WDR47: variants seen among roughly 807,000 people sequenced by gnomAD.
WDR47 encodes the protein WD repeat-containing protein 47.
WDR47 carries 32 observed loss-of-function variants against 97.2 expected under a neutral mutation model. The observed-to-expected ratio is 0.33, with a 90% CI of 0.25 to 0.44. WDR47 has a LOEUF of 0.44. WDR47 is among the 20% of genes least tolerant of loss of function. The pLI is 1.00. For missense variants in WDR47, 782 were observed against 1,102.3 expected, an observed-to-expected ratio of 0.71 and a Z score of 4.11; for synonymous variants, 375 against 373.5, an observed-to-expected ratio of 1.00 and a Z score of -0.05.
chr1:109,003,324 T>G (rs1660350766), intron 6 of WDR47, among the ~76,000 whole-genome samples: 1 of 152,210 alleles, frequency 6.6e-6, no homozygotes, highest in Admixed American at 6.5e-5. Flanking sequence ...TTTAAAGCTC[T>G]GTTGTTTGGT....
Position 109,017,538 on chromosome 1 carries a change from C to T in WDR47, c.222G>A (p.Met74Ile). 1 of 1,612,264 alleles carries T rather than the reference C, an allele frequency of 6.2e-7. No homozygotes were observed. Among genetic ancestry groups the T allele is most frequent in the Non-Finnish European group, 8.5e-7 (1 of 1,179,554 alleles). ...CTTACCTTTTTTTGTCAAATTTTTCCATACATTCTAGAGGCTGAATGAACT... is the reference window on the plus strand; with the variant it reads ...CTTACCTTTTTTTGTCAAATTTTTCTATACATTCTAGAGGCTGAATGAACT... ...VLQFIQPLEC[M>I]EKFDKKRFRY... The change falls in exon 3 of 15, where the codon ATG becomes ATA. Residue 74 changes from methionine to isoleucine, a missense_variant. Met to Ile is a conservative substitution (Grantham distance 10). This residue lies in a region of WDR47 where 428 missense variants were observed against 584.3 expected (regional missense o/e 0.73). Transcript: ENST00000369962.
intron 13 of WDR47, among the ~76,000 whole-genome samples, chr1:108,978,566 T>G (rs1366192095): frequency 6.6e-6 from 1 of 152,020 alleles, no homozygotes; most frequent in Non-Finnish European, 1.5e-5. Flanking sequence ...AATATAAGTC[T>G]TTCAGTATAT....
chr1:109,039,182 G>A (rs1663171701), intron 1 of WDR47, among the ~76,000 whole-genome samples: 1 of 152,082 alleles, frequency 6.6e-6, no homozygotes, highest in African/African-American at 2.4e-5. Flanking sequence ...GGGATACAAT[G>A]ATCGAGCTAT....
intron 2 of WDR47, among the ~76,000 whole-genome samples, chr1:109,021,547 C>T (rs868389552): frequency 5.2e-5 from 7 of 134,320 alleles, no homozygotes; most frequent in South Asian, 4.7e-4. Flanking sequence ...AAAAAAAAGG[C>T]GCAAGTATAA....
Position 109,023,338 on chromosome 1 carries a change from G to A in WDR47, c.158+17C>T, listed in dbSNP as rs1571240010. 6.2e-7 allele frequency: 1 copy of A among 1,610,220 alleles called. No homozygotes were observed. Among genetic ancestry groups the A allele is most frequent in the Non-Finnish European group, 8.5e-7 (1 of 1,178,292 alleles). On this transcript the variant is annotated intron_variant, in intron 2 of 14. Coordinates refer to ENST00000369962, the MANE Select transcript of WDR47 (RefSeq NM_001142551.2). Reference sequence around the variant, plus strand: ...CTTCGAAGGAGCTACAAACTTCACAGTATAATGAAATCATACCTCAGGAAA... The same window carrying A: ...CTTCGAAGGAGCTACAAACTTCACAATATAATGAAATCATACCTCAGGAAA...
chr1:109,011,175 G>C lies in WDR47; in HGVS notation c.871C>G (p.Leu291Val). The C allele has an allele frequency of 6.2e-7, 1 of 1,614,168 alleles. No homozygotes were observed. The highest frequency in any genetic ancestry group is 8.5e-7 in the Non-Finnish European group (1 of 1,180,044). ...ADLLTPLISK[L>V]SPYPSSPMRR... is the part of the protein sequence containing the mutation. The stretch of plus-strand genomic sequence containing the variant: ...ATTGGGGATGATGGATAGGGAGAGA[G>C]TTTGCTGATAAGAGGAGTCAAAAGA... Residue 291 changes from leucine (L) to valine (V), a missense_variant, in exon 5 of 15, where the codon CTC becomes GTC. Leu to Val is a conservative substitution (Grantham distance 32). Coordinates refer to ENST00000369962, the MANE Select transcript of WDR47 (RefSeq NM_001142551.2).
At chr1:109,010,578 A>ATTT (rs199821610) in intron 5 of WDR47, among the ~76,000 whole-genome samples, 7 of 101,712 alleles carry the variant, frequency 6.9e-5, no homozygotes, top group African/African-American at 1.2e-4. Context: ...AGATTTCCTA[A>ATTT]TTTTTTTTTT....
At chr1:109,002,829 A>G (rs1239888655) in intron 6 of WDR47, among the ~76,000 whole-genome samples, 1 of 152,200 alleles carries the variant, frequency 6.6e-6, no homozygotes, top group African/African-American at 2.4e-5. Flanking sequence ...ATCACTAAAA[A>G]ACAATAGATG....
At chr1:108,999,729 A>C (rs959510035) in intron 7 of WDR47, among the ~76,000 whole-genome samples, 3 of 152,166 alleles carry the variant, frequency 2.0e-5, no homozygotes, top group Admixed American at 2.0e-4. Context: ...TATAAAGGAA[A>C]GATGAACCTT....
At position 108,995,721 on chromosome 1, in the gene WDR47, A is replaced by G. The variant is rs765511180; in HGVS notation, c.1550T>C (p.Val517Ala). 1.2e-6 allele frequency: 2 copies of G among 1,614,140 alleles called. No homozygotes were observed. Among genetic ancestry groups the G allele is most frequent in the Admixed American group, 1.7e-5 (1 of 60,012 alleles). ...SKGNGSNGSS[V>A]TSFTTPPQDS... ...TTGGGGTGGTGTAGTAAAACTAGTC[A>G]CAGAAGAACCATTAGATCCATTGCC... The change falls in exon 8 of 15, where the codon GTG becomes GCG. Residue 517 changes from valine to alanine, a missense_variant. Around this residue, in one of 3 missense-constraint regions of WDR47, gnomAD observed 126 missense variants for 121.3 expected, o/e 1.04. Transcript: ENST00000369962.
At chr1:108,994,305 G>A (rs1352808792) in intron 8 of WDR47, among the ~76,000 whole-genome samples, 1 of 152,164 alleles carries the variant, frequency 6.6e-6, no homozygotes, top group East Asian at 1.9e-4. Flanking sequence ...GCTGAGGCAG[G>A]AGAATTGTTT....
At chr1:108,980,866 G>A (rs554436196) in intron 13 of WDR47, among the ~76,000 whole-genome samples, 1 of 151,806 alleles carries the variant, frequency 6.6e-6, no homozygotes, top group Non-Finnish European at 1.5e-5. Context: ...GGTGGCTCAT[G>A]CCTGTAATCC....
chr1:109,023,903 A>T (rs939479787), intron 1 of WDR47, among the ~76,000 whole-genome samples: 4 of 152,230 alleles, frequency 2.6e-5, no homozygotes, highest in Admixed American at 2.6e-4. Flanking sequence ...CTACATGTTT[A>T]AAATTTTCCA....
At chr1:109,006,364 G>A (rs1329983176) in intron 5 of WDR47, among the ~76,000 whole-genome samples, 1 of 103,160 alleles carries the variant, frequency 9.7e-6, no homozygotes, top group Non-Finnish European at 2.4e-5. Context: ...TTGCAGTCCA[G>A]CCTGGGCAAT....
intron 3 of WDR47, 125 bp from the exon 4 acceptor site, chr1:109,014,050 T>C (rs1472452610): frequency 1.3e-5 from 8 of 626,448 alleles, no homozygotes; most frequent in South Asian, 1.1e-4. Context: ...TCTTATCACA[T>C]TGAAGCCATA....
intron 14 of WDR47, among the ~76,000 whole-genome samples, chr1:108,974,019 T>TTTCATGGCAAAAC (rs1657689375): frequency 6.6e-6 from 1 of 151,880 alleles, no homozygotes; most frequent in South Asian, 2.1e-4. Flanking sequence ...CATGGCAAAA[T>TTTCATGGCAAAAC]TTTGTCTCTA....
intron 1 of WDR47, among the ~76,000 whole-genome samples, chr1:109,041,218 G>A (rs1663342354): frequency 7.0e-6 from 1 of 141,882 alleles, no homozygotes; most frequent in Non-Finnish European, 1.5e-5. Flanking sequence ...TTAACCCTTT[G>A]AGTTCCACAA....
chr1:108,986,721 G>GAAT, intron 9 of WDR47, 41 bp from the exon 10 acceptor site: 2 of 1,426,510 alleles, frequency 1.4e-6, no homozygotes, highest in Non-Finnish European at 1.9e-6. Context: ...TTAAAAAAAT[G>GAAT]AATTTGAAAG....
At chr1:108,973,157 G>A in intron 14 of WDR47, among the ~76,000 whole-genome samples, 1 of 151,638 alleles carries the variant, frequency 6.6e-6, no homozygotes. Context: ...TGGTCTCTAT[G>A]CAAATGGCAT....
Sources: gnomAD v4.1 joint callset for allele counts (sites outside exome capture counted in the v4.1 genomes callset) on GRCh38, gnomAD v4.1.1 for gene constraint, gnomAD v4.1.1 regional missense constraint, MANE v1.5 for transcripts, NCBI Gene and HGNC (gene_info 2026-07-23, HGNC 2026-07-21) for gene names.